Variants in NKAIN3 observed in about 807,000 individuals in gnomAD.
NKAIN3 encodes the protein sodium/potassium transporting ATPase interacting 3.
NKAIN3 carries 25 observed loss-of-function variants against 30.2 expected under a neutral mutation model. That is an observed-to-expected ratio of 0.83 (90% CI 0.60 to 1.16). The LOEUF (loss-of-function observed/expected upper bound fraction) is 1.16, where lower values mean the gene tolerates loss of function less well. NKAIN3 is among the 50% of genes most tolerant of loss of function. NKAIN3 has a pLI of 0.00. For missense variants in NKAIN3, 225 were observed against 254.1 expected (o/e 0.89, Z 0.78); for synonymous variants, 91 against 89.6 (o/e 1.02, Z -0.09).
chr8:62,839,399 C>A (rs1819465391), intron 4 of NKAIN3, among the ~76,000 whole-genome samples: 2 of 150,510 alleles, frequency 1.3e-5, no homozygotes, highest in Admixed American at 6.6e-5. Context: ...CCTAAAAAGT[C>A]TCTTAAAAAT....
At chr8:62,603,477 G>C (rs1363317748) in intron 3 of NKAIN3, among the ~76,000 whole-genome samples, 1 of 152,088 alleles carries the variant, frequency 6.6e-6, no homozygotes, top group African/African-American at 2.4e-5. Flanking sequence ...GTATGTTACA[G>C]AGGCAAAACT....
chr8:62,713,547 T>G (rs528530350), intron 3 of NKAIN3, among the ~76,000 whole-genome samples: 43 of 152,222 alleles, frequency 2.8e-4, no homozygotes, highest in Non-Finnish European at 5.3e-4. Context: ...CAAACACTTA[T>G]TGAGCAACAA....
Position 62,370,287 on chromosome 8 carries a change from C to T in NKAIN3, c.54+121160C>T, listed in dbSNP as rs866661027. 1.8e-4 allele frequency among the ~76,000 whole-genome samples: 27 copies of T among 151,888 alleles called. 1 individual carries two copies. The highest frequency in any genetic ancestry group is 6.3e-3 in the Middle Eastern group (2 of 316). On this transcript the variant is annotated intron_variant, in intron 1 of 6. Transcript: ENST00000623646. The stretch of plus-strand genomic sequence containing the variant: ...ATTGACTACAAACCAGACCAGCAAA[C>T]AAAAGAATAATCTGTTAGTAGTTCA...
At chr8:62,258,014 A>G (rs1410151481) in intron 1 of NKAIN3, among the ~76,000 whole-genome samples, 1 of 152,054 alleles carries the variant, frequency 6.6e-6, no homozygotes, top group African/African-American at 2.4e-5. Context: ...CTTTTAAAAC[A>G]TGAACTACTT....
intron 4 of NKAIN3, among the ~76,000 whole-genome samples, chr8:62,835,340 G>C (rs1281283971): frequency 3.9e-5 from 6 of 152,048 alleles, no homozygotes; most frequent in Non-Finnish European, 8.8e-5. Flanking sequence ...TTAAACTAAA[G>C]AGCTTCCGCA....
intron 4 of NKAIN3, among the ~76,000 whole-genome samples, chr8:62,803,779 G>A (rs759631854): frequency 6.6e-6 from 1 of 152,130 alleles, no homozygotes; most frequent in Non-Finnish European, 1.5e-5. Context: ...CAGAACTGAA[G>A]GAAATAGCAA....
intron 1 of NKAIN3, among the ~76,000 whole-genome samples, chr8:62,392,829 T>G (rs1160365724): frequency 6.6e-6 from 1 of 152,066 alleles, no homozygotes; most frequent in Non-Finnish European, 1.5e-5. Context: ...TTTAAATATT[T>G]CAAATACCCT....
chr8:62,343,036 A>G (rs1223083736), intron 1 of NKAIN3, among the ~76,000 whole-genome samples: 3 of 152,052 alleles, frequency 2.0e-5, no homozygotes, highest in Non-Finnish European at 1.5e-5. Context: ...TAGCTATTAC[A>G]TATCATCTTT....
intron 1 of NKAIN3, among the ~76,000 whole-genome samples, chr8:62,518,335 G>A (rs893038741): frequency 3.3e-5 from 5 of 152,122 alleles, no homozygotes; most frequent in Admixed American, 2.6e-4. Context: ...ACTCCAGGCT[G>A]AGCAAAATTC....
Position 62,974,034 on chromosome 8 carries a change from T to G in NKAIN3, c.*8627T>G, listed in dbSNP as rs1823891484. Among the ~76,000 whole-genome samples, 1 of 152,232 alleles carries G rather than the reference T, an allele frequency of 6.6e-6. No individual in the cohort carries two copies. The highest frequency in any genetic ancestry group is 1.5e-5 in the Non-Finnish European group (1 of 68,038). On this transcript the variant is annotated 3_prime_UTR_variant, in exon 7 of 7. Transcript: ENST00000623646. ...GTTGCATTGGTCTATATATCTGTTT[T>G]AGTAAAAGTACCATGTTGTTTTGGT... is the stretch of plus-strand genomic sequence containing the variant.
intron 1 of NKAIN3, among the ~76,000 whole-genome samples, chr8:62,568,384 A>G (rs1040751188): frequency 6.6e-6 from 1 of 152,202 alleles, no homozygotes; most frequent in Non-Finnish European, 1.5e-5. Flanking sequence ...ATATTGTCAT[A>G]TACATAGTAT....
In NKAIN3 at chr8:62,803,720, C is replaced by A. The variant is rs566863770; in HGVS notation, c.471+56591C>A. Among the ~76,000 whole-genome samples the A allele has an allele frequency of 4.3e-3, 652 of 152,176 alleles. 7 individuals carry two copies. Among genetic ancestry groups the A allele is most frequent in the Non-Finnish European group, 5.3e-3 (360 of 68,008 alleles). On this transcript the variant is annotated intron_variant, in intron 4 of 6. Transcript: ENST00000623646. Reference sequence around the variant, plus strand: ...ATTAAAAGAACTAGAAAAGCAAGAGCAAACACATTCAAAAGCTAGCAGAAG... The same window carrying A: ...ATTAAAAGAACTAGAAAAGCAAGAGAAAACACATTCAAAAGCTAGCAGAAG...
At chr8:62,789,373 A>C (rs1817630384) in intron 4 of NKAIN3, among the ~76,000 whole-genome samples, 1 of 152,154 alleles carries the variant, frequency 6.6e-6, no homozygotes, top group African/African-American at 2.4e-5. Flanking sequence ...TGATTTTTGC[A>C]CATTTATTTT....
At chr8:62,320,568 A>G (rs899862056) in intron 1 of NKAIN3, among the ~76,000 whole-genome samples, 3 of 151,894 alleles carry the variant, frequency 2.0e-5, no homozygotes, top group Admixed American at 1.3e-4. Flanking sequence ...TCTGTAAAGG[A>G]TTTTATTTCT....
At chr8:62,599,994 T>C (rs367733094) in intron 3 of NKAIN3, among the ~76,000 whole-genome samples, 9 of 152,090 alleles carry the variant, frequency 5.9e-5, no homozygotes, top group African/African-American at 2.2e-4. Flanking sequence ...AAAACCCATC[T>C]TATTTGCTAC....
At chr8:62,779,900 A>G (rs890619456) in intron 4 of NKAIN3, among the ~76,000 whole-genome samples, 3 of 152,084 alleles carry the variant, frequency 2.0e-5, no homozygotes, top group African/African-American at 7.2e-5. Context: ...AGAACCTAGG[A>G]AAAAAAGAAC....
intron 1 of NKAIN3, among the ~76,000 whole-genome samples, chr8:62,554,281 A>G (rs980940002): frequency 7.9e-5 from 12 of 152,192 alleles, no homozygotes; most frequent in African/African-American, 2.9e-4. Flanking sequence ...CTAACAAGAA[A>G]CTAACTAGTT....
At chr8:62,789,224 A>C (rs1243973087) in intron 4 of NKAIN3, among the ~76,000 whole-genome samples, 2 of 152,018 alleles carry the variant, frequency 1.3e-5, no homozygotes, top group Admixed American at 6.6e-5. Flanking sequence ...AGTGGTTTGT[A>C]GTTCTCCTTG....
intron 6 of NKAIN3, among the ~76,000 whole-genome samples, chr8:62,955,585 A>C (rs1823398910): frequency 6.6e-6 from 1 of 152,208 alleles, no homozygotes; most frequent in Non-Finnish European, 1.5e-5. Context: ...GCTGCAATTT[A>C]AGAGAGATCC....
Sources: gnomAD v4.1 joint callset for allele counts (sites outside exome capture counted in the v4.1 genomes callset) on GRCh38, gnomAD v4.1.1 for gene constraint, MANE v1.5 for transcripts, NCBI Gene and HGNC (gene_info 2026-07-23, HGNC 2026-07-21) for gene names.